The following CTNNA2 variants were observed in gnomAD, a reference collection of about 807,000 sequenced individuals.
CTNNA2 encodes the protein catenin alpha-2.
Under a neutral mutation model 101.0 loss-of-function variants are expected in CTNNA2, and 42 were observed. That is an observed-to-expected ratio of 0.42 (90% CI 0.32 to 0.54). The LOEUF is 0.54. CTNNA2 is among the 20% of genes least tolerant of loss of function. The probability of loss-of-function intolerance (pLI) is 0.14; values close to 1 mark genes in which losing one functional copy is unlikely to be tolerated. For missense variants in CTNNA2, 871 were observed against 1,223.1 expected (o/e 0.71, Z 4.29); for synonymous variants, 450 against 456.4 (o/e 0.99, Z 0.18).
chr2:80,571,519 A>G (rs1228389979), intron 12 of CTNNA2, among the ~76,000 whole-genome samples: 1 of 152,236 alleles, frequency 6.6e-6, no homozygotes, highest in African/African-American at 2.4e-5. Flanking sequence ...TAACTACTAT[A>G]TTTAAAGTGG....
intron 18 of CTNNA2, among the ~76,000 whole-genome samples, chr2:80,638,126 G>T (rs190301108): frequency 1.3e-5 from 2 of 152,290 alleles, no homozygotes; most frequent in East Asian, 3.9e-4. Flanking sequence ...AGGGATCAAA[G>T]GTAGTGATGC....
chr2:79,436,751 C>T (rs1573165612), intron 4 of CTNNA2, among the ~76,000 whole-genome samples: 1 of 152,044 alleles, frequency 6.6e-6, no homozygotes, highest in South Asian at 2.1e-4. Flanking sequence ...CCTGCCTCAG[C>T]CTCCCGAGTA....
intron 7 of CTNNA2, among the ~76,000 whole-genome samples, chr2:80,202,108 G>A (rs1283236002): frequency 6.6e-6 from 1 of 152,112 alleles, no homozygotes; most frequent in Non-Finnish European, 1.5e-5. Context: ...TTCATTATCA[G>A]CAGAATATGC....
chr2:79,811,731 A>T (rs1438561983), intron 3 of CTNNA2, among the ~76,000 whole-genome samples: 1 of 152,092 alleles, frequency 6.6e-6, no homozygotes, highest in Non-Finnish European at 1.5e-5. Context: ...ATAATTTTTA[A>T]AATCAGCTTT....
chr2:79,884,843 G>A (rs1683724187), intron 6 of CTNNA2, among the ~76,000 whole-genome samples: 1 of 151,182 alleles, frequency 6.6e-6, no homozygotes, highest in South Asian at 2.1e-4. Context: ...AACATGAGCA[G>A]TGATGCGACA....
chr2:80,035,449 T>C (rs1055958579), intron 7 of CTNNA2, among the ~76,000 whole-genome samples: 20 of 152,216 alleles, frequency 1.3e-4, no homozygotes, highest in African/African-American at 4.6e-4. Flanking sequence ...CAGTTACTAC[T>C]CTAAGGGGCT....
chr2:80,525,882 T>C (rs943235627), intron 9 of CTNNA2, among the ~76,000 whole-genome samples: 2 of 152,186 alleles, frequency 1.3e-5, no homozygotes, highest in African/African-American at 2.4e-5. Flanking sequence ...GGTTCAAACA[T>C]TGGCTCTGCC....
chr2:80,303,889 T>G lies in CTNNA2; in HGVS notation c.1057-89322T>G. The stretch of plus-strand genomic sequence containing the variant: ...CGCTCGGTCAGAAATCTACATCATA[T>G]TTTATTCCGAGGGAGGGGAAGCGGG... On this transcript the variant is annotated intron_variant, in intron 7 of 18. Coordinates refer to ENST00000402739, the MANE Select transcript of CTNNA2 (RefSeq NM_001282597.3). This position sits in a 1 kb window ranked among gnomAD's most constrained non-coding sequence, Gnocchi z 7.7. The G allele has an allele frequency of 6.9e-7, 1 of 1,441,690 alleles. No individual in the cohort carries two copies. The highest frequency in any genetic ancestry group is 9.1e-7 in the Non-Finnish European group (1 of 1,094,644). The allele number at this position is 1,441,690 out of a possible 1,614,324, so 89.3% of individuals were successfully genotyped here. A position where few individuals can be genotyped will look rare whatever the true frequency, so the allele number is the denominator to read the frequency against.
At chr2:79,563,157 A>T (rs1262227958) in intron 1 of CTNNA2, among the ~76,000 whole-genome samples, 2 of 57,470 alleles carry the variant, frequency 3.5e-5, no homozygotes, top group African/African-American at 1.1e-4. Flanking sequence ...AATAATAAAG[A>T]TGTGTATATA....
chr2:79,360,758 T>C (rs1677609509), intron 3 of CTNNA2, among the ~76,000 whole-genome samples: 1 of 152,182 alleles, frequency 6.6e-6, no homozygotes, highest in South Asian at 2.1e-4. Context: ...GTATCCATCA[T>C]CCTGACTAGT....
intron 7 of CTNNA2, among the ~76,000 whole-genome samples, chr2:80,153,753 C>T (rs753521100): frequency 1.6e-4 from 24 of 152,190 alleles, no homozygotes; most frequent in Non-Finnish European, 3.4e-4. Flanking sequence ...AAACCAGCAG[C>T]TGCCTCCCTT....
chr2:79,983,732 T>G (rs1691556673), intron 7 of CTNNA2, among the ~76,000 whole-genome samples: 1 of 152,224 alleles, frequency 6.6e-6, no homozygotes, highest in Non-Finnish European at 1.5e-5. Context: ...TTAAGAAAAC[T>G]TGAAAATAAA....
chr2:80,617,786 T>C (rs3770361), intron 17 of CTNNA2, among the ~76,000 whole-genome samples: 86,553 of 151,606 alleles, frequency 0.57, 25,063 homozygotes, highest in East Asian at 0.66. Flanking sequence ...CTAAGAATGA[T>C]GGGCTTAGAA....
chr2:79,615,994 CA>C (rs1279054702), intron 1 of CTNNA2, among the ~76,000 whole-genome samples: 3 of 152,154 alleles, frequency 2.0e-5, no homozygotes, highest in Non-Finnish European at 2.9e-5. Context: ...AGCACTGTGA[CA>C]GAGAGAAGAA....
chr2:80,456,792 C>T (rs182260768), intron 9 of CTNNA2, among the ~76,000 whole-genome samples: 96 of 152,114 alleles, frequency 6.3e-4, no homozygotes, highest in African/African-American at 2.3e-3. Flanking sequence ...AAGGTACATG[C>T]ACATGGAGGT....
chr2:80,410,099 A>G (rs558105091), intron 8 of CTNNA2, among the ~76,000 whole-genome samples: 12 of 152,308 alleles, frequency 7.9e-5, no homozygotes, highest in Non-Finnish European at 1.5e-4. Context: ...GAGCTGTTTC[A>G]TATTTATCAA....
At chr2:80,222,396 T>C (rs1038930436) in intron 7 of CTNNA2, among the ~76,000 whole-genome samples, 1 of 152,206 alleles carries the variant, frequency 6.6e-6, no homozygotes, top group African/African-American at 2.4e-5. Context: ...TTAAATTTGC[T>C]GTTTATATTT....
intron 3 of CTNNA2, among the ~76,000 whole-genome samples, chr2:79,827,205 A>AT (rs895417689): frequency 2.0e-5 from 3 of 151,796 alleles, no homozygotes; most frequent in African/African-American, 4.8e-5. Context: ...CGCCCAACTA[A>AT]TTTTTTTATT....
intron 12 of CTNNA2, among the ~76,000 whole-genome samples, chr2:80,563,388 G>T (rs936342622): frequency 6.6e-6 from 1 of 152,228 alleles, no homozygotes; most frequent in Non-Finnish European, 1.5e-5. Context: ...GGAAGCACAT[G>T]TGGTACATCC....
Sources: allele counts gnomAD v4.1 joint callset (sites outside exome capture counted in the v4.1 genomes callset), GRCh38; gene constraint gnomAD v4.1.1; non-coding constraint Gnocchi (gnomAD v3.1); transcripts MANE v1.5; gene names NCBI Gene and HGNC (gene_info 2026-07-23, HGNC 2026-07-21).